The following CLDN12 variants were observed in gnomAD, a reference collection of about 807,000 sequenced individuals.
The protein encoded by CLDN12 is claudin 12.
A neutral mutation model predicts 15.5 loss-of-function variants in CLDN12; 9 were observed. The ratio of observed to expected loss-of-function variants is 0.58; its 90% confidence interval spans 0.35 to 1.02. CLDN12 has a LOEUF of 1.02. Ranked by LOEUF, CLDN12 falls within the 50% of genes least tolerant of loss-of-function variation. CLDN12 has a pLI of 0.02. For missense variants in CLDN12, 233 were observed against 297.3 expected (o/e 0.78, Z 1.59); for synonymous variants, 140 against 121.6 (o/e 1.15, Z -1.00).
rs1256518254 is a variant in CLDN12, at chr7:90,413,635, C to T, written c.*224C>T. On this transcript the variant is annotated 3_prime_UTR_variant, in exon 4 of 4. Coordinates refer to ENST00000496677, the MANE Select transcript of CLDN12 (RefSeq NM_001185072.3). ...CTTCTTATACTGGAAGGAATTTTAG[C>T]CTTCATATTGATATCTAATTAATTA... 6 of 1,307,076 alleles carry T rather than the reference C, an allele frequency of 4.6e-6. No homozygotes were observed. In the African/African-American group the frequency reaches 6.1e-5, roughly 13 times the overall value. 81.0% of individuals were successfully genotyped at this position (1,307,076 alleles called of 1,614,324 possible). A position where few individuals can be genotyped will look rare whatever the true frequency, so the allele number is the denominator to read the frequency against.
chr7:90,413,870 A>C lies in CLDN12; in HGVS notation c.*459A>C, dbSNP rs891653604. On this transcript the variant is annotated 3_prime_UTR_variant, in exon 4 of 4. Transcript: ENST00000496677. The stretch of plus-strand genomic sequence containing the variant: ...GGGTAATATTTTAATAGTAGTCAAT[A>C]ATCTAGCTTAAGGCTGTAACTCTTC... 26 of 999,254 alleles carry C rather than the reference A, an allele frequency of 2.6e-5. No homozygotes were observed. In the Admixed American group the frequency reaches 6.7e-4, roughly 26 times the overall value. The allele number at this position is 999,254 out of a possible 1,614,324, so 61.9% of individuals were successfully genotyped here.
intron 2 of CLDN12, chr7:90,406,096 C>G (rs1371559816): frequency 2.6e-5 from 4 of 152,142 alleles, no homozygotes; most frequent in African/African-American, 9.7e-5. Flanking sequence ...AAGCGAGACC[C>G]TGTCTCAAAA....
In CLDN12 at chr7:90,413,011, C is replaced by T. The variant is rs1162698211; in HGVS notation, c.335C>T (p.Ala112Val). 4.3e-6 allele frequency: 7 copies of T among 1,614,208 alleles called. No individual in the cohort carries two copies. In the South Asian group the frequency reaches 4.4e-5, roughly 10 times the overall value. The change falls in exon 4 of 4, where the codon GCC (alanine) becomes GTC (valine). Residue 112 changes from alanine (A) to valine (V), a missense_variant. Coordinates refer to ENST00000496677, the MANE Select transcript of CLDN12 (RefSeq NM_001185072.3). ...TGCCTGATTGGAATGTGCAACACTG[C>T]CTTCAGGTCCTCGGTGCCCAACATC... ...LLCLIGMCNTAFRSSVPNIKL... is the reference protein window; with the variant it reads ...LLCLIGMCNTVFRSSVPNIKL...
chr7:90,403,886 G>T (rs1268770269), intron 1 of CLDN12, among the ~76,000 whole-genome samples: 1 of 152,018 alleles, frequency 6.6e-6, no homozygotes, highest in Non-Finnish European at 1.5e-5. Context: ...AGTGTTGCAG[G>T]GATGGGCTAG....
In CLDN12 at chr7:90,413,285, T is replaced by G; in HGVS notation, c.609T>G (p.Pro203=). ...FIWYCTCKSL[P]SPFWQPLYSH... ...GGTATTGTACATGCAAATCTTTGCCTTCTCCTTTCTGGCAACCATTGTACT... is the reference window on the plus strand; with the variant it reads ...GGTATTGTACATGCAAATCTTTGCCGTCTCCTTTCTGGCAACCATTGTACT... The change falls in exon 4 of 4, where the codon CCT becomes CCG. Residue 203 remains proline (P), a synonymous_variant. Coordinates refer to ENST00000496677, the MANE Select transcript of CLDN12 (RefSeq NM_001185072.3). 1 of 1,614,224 alleles carries G rather than the reference T, an allele frequency of 6.2e-7. No individual in the cohort carries two copies. Among genetic ancestry groups the G allele is most frequent in the Non-Finnish European group, 8.5e-7 (1 of 1,180,036 alleles).
In CLDN12 at chr7:90,413,899, C is replaced by T. The variant is rs549473969; in HGVS notation, c.*488C>T. The T allele has an allele frequency of 7.4e-5, 74 of 998,642 alleles. No homozygotes were observed. The African/African-American group carries it at 1.1e-3, about 14-fold the overall frequency. The allele number at this position is 998,642 out of a possible 1,614,324, so 61.9% of individuals were successfully genotyped here. On this transcript the variant is annotated 3_prime_UTR_variant, in exon 4 of 4. Transcript: ENST00000496677. ...TAGCTTAAGGCTGTAACTCTTCTAT[C>T]GGGGCTAATTGTATGAATAGGTGTC...
intron 2 of CLDN12, among the ~76,000 whole-genome samples, chr7:90,406,419 C>T (rs1330490289): frequency 6.6e-6 from 1 of 152,046 alleles, no homozygotes; most frequent in Admixed American, 6.5e-5. Context: ...GAAATAGAGT[C>T]TCTATTTGAT....
In CLDN12 at chr7:90,413,744, A is replaced by T. The variant is rs1459234257; in HGVS notation, c.*333A>T. The T allele has an allele frequency of 1.9e-6, 2 of 1,045,854 alleles. No homozygotes were observed. Among genetic ancestry groups the T allele is most frequent in the South Asian group, 4.4e-5 (1 of 22,678 alleles). The allele number at this position is 1,045,854 out of a possible 1,614,324, so 64.8% of individuals were successfully genotyped here. A position where few individuals can be genotyped will look rare whatever the true frequency, so the allele number is the denominator to read the frequency against. On this transcript the variant is annotated 3_prime_UTR_variant, in exon 4 of 4. Coordinates refer to ENST00000496677, the MANE Select transcript of CLDN12 (RefSeq NM_001185072.3). ...TGATGGTTAGCAGAAGCTGTTGTATACAATCTTCATGAAAATTTCAGTGTG... is the reference window on the plus strand; with the variant it reads ...TGATGGTTAGCAGAAGCTGTTGTATTCAATCTTCATGAAAATTTCAGTGTG...
rs1008866447 is a variant in CLDN12 at position 90,415,203 on chromosome 7, T to A, written c.*1792T>A. The A allele has an allele frequency of 6.1e-6, 1 of 165,176 alleles. No homozygotes were observed. Among genetic ancestry groups the A allele is most frequent in the Non-Finnish European group, 1.5e-5 (1 of 68,112 alleles). 10.2% of individuals were successfully genotyped at this position (165,176 alleles called of 1,614,324 possible). ...AAAGCACACAAGGTTATGATTTTTT[T>A]AATTACTGGCTTCTGATTTCTTTCA... On this transcript the variant is annotated 3_prime_UTR_variant, in exon 4 of 4. Coordinates refer to ENST00000496677, the MANE Select transcript of CLDN12 (RefSeq NM_001185072.3).
In CLDN12 at chr7:90,413,936, G is replaced by A; in HGVS notation, c.*525G>A. The A allele has an allele frequency of 1.0e-6, 1 of 996,472 alleles. No homozygotes were observed. Among genetic ancestry groups the A allele is most frequent in the Middle Eastern group, 5.2e-4 (1 of 1,910 alleles). 61.7% of individuals were successfully genotyped at this position (996,472 alleles called of 1,614,324 possible). ...TATGAATAGGTGTCAGTATGTTGAA[G>A]ATTACTTTCTTTTGTGACTTTCTTC... On this transcript the variant is annotated 3_prime_UTR_variant, in exon 4 of 4. Transcript: ENST00000496677.
At chr7:90,409,628 A>G (rs1035244571) in intron 2 of CLDN12, among the ~76,000 whole-genome samples, 3 of 152,210 alleles carry the variant, frequency 2.0e-5, no homozygotes, top group South Asian at 4.1e-4. Context: ...CCTTTTTCCT[A>G]TGTCTTCACA....
At position 90,415,394 on chromosome 7, in the gene CLDN12, T is replaced by C. The variant is rs1797052954; in HGVS notation, c.*1983T>C. On this transcript the variant is annotated 3_prime_UTR_variant, in exon 4 of 4. Transcript: ENST00000496677. ...ATCAAGAATTCTACCATCCCTTGGG[T>C]CTTTGTGTATAAACAATGTTAAATA... The C allele has an allele frequency of 6.0e-6, 1 of 166,980 alleles. No individual in the cohort carries two copies. The highest frequency in any genetic ancestry group is 2.1e-4 in the South Asian group (1 of 4,836). 10.3% of individuals were successfully genotyped at this position (166,980 alleles called of 1,614,324 possible).
intron 3 of CLDN12, chr7:90,412,441 C>T (rs1469570645): frequency 4.2e-6 from 2 of 477,698 alleles, no homozygotes; most frequent in Non-Finnish European, 7.3e-6. Context: ...CAGTAATAAC[C>T]AAATGTGTGT....
intron 2 of CLDN12, among the ~76,000 whole-genome samples, chr7:90,411,132 C>T (rs1796953021): frequency 6.6e-6 from 1 of 152,234 alleles, no homozygotes; most frequent in African/African-American, 2.4e-5. Flanking sequence ...AAGCCAGCTT[C>T]CTAGCATTTT....
intron 1 of CLDN12, among the ~76,000 whole-genome samples, chr7:90,405,042 A>C (rs1447463176): frequency 1.3e-5 from 2 of 151,850 alleles, no homozygotes; most frequent in Non-Finnish European, 2.9e-5. Context: ...ACACGTGTGC[A>C]CCATCACACC....
chr7:90,411,164 C>G (rs1162997222), intron 2 of CLDN12, among the ~76,000 whole-genome samples: 2 of 152,166 alleles, frequency 1.3e-5, no homozygotes, highest in Non-Finnish European at 2.9e-5. Flanking sequence ...TCTTTCTGAT[C>G]CTGAAAGCTT....
At chr7:90,404,250 A>G (rs1175489984) in intron 1 of CLDN12, among the ~76,000 whole-genome samples, 1 of 149,240 alleles carries the variant, frequency 6.7e-6, no homozygotes, top group Non-Finnish European at 1.5e-5. Context: ...ATTATGATTG[A>G]TACCAACCCA....
chr7:90,414,162 C>G lies in CLDN12; in HGVS notation c.*751C>G. 2.0e-6 allele frequency: 2 copies of G among 1,000,080 alleles called. No homozygotes were observed. Among genetic ancestry groups the G allele is most frequent in the Non-Finnish European group, 2.4e-6 (2 of 829,968 alleles). The allele number at this position is 1,000,080 out of a possible 1,614,324, so 62.0% of individuals were successfully genotyped here. On this transcript the variant is annotated 3_prime_UTR_variant, in exon 4 of 4. Transcript: ENST00000496677. ...GCAGAAAACTCTTTTTTGGAGATAT[C>G]TTCCATCAAGCAGTACTCGTGCCCA...
chr7:90,414,308 C>T lies in CLDN12; in HGVS notation c.*897C>T. On this transcript the variant is annotated 3_prime_UTR_variant, in exon 4 of 4. Transcript: ENST00000496677. ...CTTCAGTGAGTACACTAGAGATTTACTCTGGTGACTGCCTTTTGAGTTATG... is the reference window on the plus strand; with the variant it reads ...CTTCAGTGAGTACACTAGAGATTTATTCTGGTGACTGCCTTTTGAGTTATG... The T allele has an allele frequency of 3.0e-6, 3 of 1,000,226 alleles. No homozygotes were observed. The highest frequency in any genetic ancestry group is 3.6e-6 in the Non-Finnish European group (3 of 829,964). The allele number at this position is 1,000,226 out of a possible 1,614,324, so 62.0% of individuals were successfully genotyped here. A position where few individuals can be genotyped will look rare whatever the true frequency, so the allele number is the denominator to read the frequency against.
Sources: allele counts gnomAD v4.1 joint callset (sites outside exome capture counted in the v4.1 genomes callset), GRCh38; gene constraint gnomAD v4.1.1; transcripts MANE v1.5; gene names NCBI Gene and HGNC (gene_info 2026-07-23, HGNC 2026-07-21).